Variants in AMOTL2 observed in about 807,000 individuals in gnomAD.
The protein encoded by AMOTL2 is angiomotin-like protein 2.
In AMOTL2, 33 loss-of-function variants were observed where a neutral mutation model predicts 78.4. The observed-to-expected ratio is 0.42, with a 90% CI of 0.32 to 0.56. The LOEUF (loss-of-function observed/expected upper bound fraction) is 0.56, where lower values mean the gene tolerates loss of function less well. Ranked by LOEUF, AMOTL2 falls within the 20% of genes least tolerant of loss-of-function variation. The pLI is 0.12. For synonymous variants in AMOTL2, 422 were observed against 428.8 expected (o/e 0.98, Z 0.20); for missense variants, 983 against 1,030.1 (o/e 0.95, Z 0.63).
rs991452261 is a variant in AMOTL2, at chr3:134,368,026, A to G, written c.735-223T>C. ...CCAAATGTTTCTGCCTGAGGCTCTC[A>G]AGAGTCAGACAGCAGGGCTAGAGGG... On this transcript the variant is annotated intron_variant, in intron 2 of 9. Coordinates refer to ENST00000249883, the MANE Select transcript of AMOTL2 (RefSeq NM_016201.4). Among the ~76,000 whole-genome samples the G allele has an allele frequency of 2.0e-5, 3 of 152,196 alleles. No homozygotes were observed. The South Asian group carries it at 6.2e-4, about 31-fold the overall frequency.
chr3:134,367,752 G>A lies in AMOTL2; in HGVS notation c.786C>T (p.Tyr262=). ...GCTCCTGAGATTGCTGCAGGTACTG[G>A]TACTGCTGCTGCTGTTGGAGGAACA... The part of the protein sequence containing the change: ...PPVFLQQQQQ[Y]QYLQQSQEHP... The change falls in exon 3 of 10, where the codon TAC becomes TAT. Residue 262 remains tyrosine (Y), a synonymous_variant. Coordinates refer to ENST00000249883, the MANE Select transcript of AMOTL2 (RefSeq NM_016201.4). The A allele has an allele frequency of 6.2e-7, 1 of 1,613,796 alleles. No individual in the cohort carries two copies. Among genetic ancestry groups the A allele is most frequent in the Non-Finnish European group, 8.5e-7 (1 of 1,180,010 alleles).
In AMOTL2 at chr3:134,361,496, G is replaced by A; in HGVS notation, c.1575+16C>T. 6.3e-7 allele frequency: 1 copy of A among 1,590,306 alleles called. No individual in the cohort carries two copies. The highest frequency in any genetic ancestry group is 8.6e-7 in the Non-Finnish European group (1 of 1,166,276). The stretch of plus-strand genomic sequence containing the variant: ...TCCTCAGATGCTGCCCTAGCCTGGA[G>A]ACTTTCTCAGCTCACCTGCTGTGCA... On this transcript the variant is annotated intron_variant, in intron 6 of 9. Transcript: ENST00000249883.
chr3:134,356,441 G>GGCT lies in AMOTL2; in HGVS notation c.*1261_*1263dup, dbSNP rs1473171331. The GGCT allele has an allele frequency of 2.0e-5, 3 of 152,580 alleles. No individual in the cohort carries two copies. Among genetic ancestry groups the GGCT allele is most frequent in the African/African-American group, 4.8e-5 (2 of 41,472 alleles). The allele number at this position is 152,580 out of a possible 1,614,324, so 9.5% of individuals were successfully genotyped here. A position where few individuals can be genotyped will look rare whatever the true frequency, so the allele number is the denominator to read the frequency against. On this transcript the variant is annotated 3_prime_UTR_variant, in exon 10 of 10. Transcript: ENST00000249883. The stretch of plus-strand genomic sequence containing the variant: ...GAAGTCAAAGTCACTGCTGCTAGCA[G>GGCT]GCTGCCATGTGGGTGTTTCACCCCA...
chr3:134,374,934 T>C, upstream of AMOTL2: 1 of 1,329,824 alleles, frequency 7.5e-7, no homozygotes, highest in Non-Finnish European at 9.7e-7. Flanking sequence ...TGTGCGTGTG[T>C]GTGTACCGGG....
chr3:134,358,834 T>C, intron 8 of AMOTL2, 115 bp from the exon 9 acceptor site: 1 of 1,216,824 alleles, frequency 8.2e-7, no homozygotes, highest in Non-Finnish European at 1.2e-6. Flanking sequence ...TGCTCTTGAT[T>C]TGCAAGAACT....
In AMOTL2 at chr3:134,361,900, G is replaced by C. The variant is rs1045720794; in HGVS notation, c.1280-93C>G. ...CAGTGCTGACCACTGGATGAGCACA[G>C]TTGCTTCTCATTCTCTCAAAAATAA... On this transcript the variant is annotated intron_variant, in intron 5 of 9. Transcript: ENST00000249883. The C allele has an allele frequency of 4.5e-6, 5 of 1,109,752 alleles. No homozygotes were observed. The African/African-American group carries it at 4.8e-5, about 11-fold the overall frequency. 68.7% of individuals were successfully genotyped at this position (1,109,752 alleles called of 1,614,324 possible).
intron 7 of AMOTL2, among the ~76,000 whole-genome samples, chr3:134,359,844 G>A (rs1181891355): frequency 1.3e-5 from 2 of 152,208 alleles, no homozygotes; most frequent in Non-Finnish European, 2.9e-5. Flanking sequence ...CTCCGGAGAG[G>A]GGAGGCAGGG....
chr3:134,373,600 C>T (rs2017964603), intron 1 of AMOTL2: 2 of 985,492 alleles, frequency 2.0e-6, no homozygotes, highest in Non-Finnish European at 1.2e-6. Flanking sequence ...GGCTCCTGCT[C>T]GCCTAAGGAA....
chr3:134,372,979 A>G (rs2107750590), intron 1 of AMOTL2, among the ~76,000 whole-genome samples: 1 of 152,228 alleles, frequency 6.6e-6, no homozygotes, highest in South Asian at 2.1e-4. Flanking sequence ...CTCCTCTGCC[A>G]CTAAACTAGC....
chr3:134,360,437 G>T (rs184398270), intron 6 of AMOTL2, 24 bp from the exon 7 acceptor site: 5 of 1,589,034 alleles, frequency 3.1e-6, no homozygotes, highest in Admixed American at 3.4e-5. Flanking sequence ...AGTAGAGACC[G>T]TGGTCAAGGG....
At chr3:134,374,560 T>A, upstream of AMOTL2, 1 of 985,450 alleles carries the variant, frequency 1.0e-6, no homozygotes, top group Non-Finnish European at 1.2e-6. Flanking sequence ...GAACCACAAA[T>A]AACCTCTCAG....
In AMOTL2 at chr3:134,367,754, A is replaced by C; in HGVS notation, c.784T>G (p.Tyr262Asp). The change falls in exon 3 of 10, where the codon TAC (tyrosine) becomes GAC (aspartate). Residue 262 changes from tyrosine (Y) to aspartate (D), a missense_variant. Coordinates refer to ENST00000249883, the MANE Select transcript of AMOTL2 (RefSeq NM_016201.4). ...TCCTGAGATTGCTGCAGGTACTGGT[A>C]CTGCTGCTGCTGTTGGAGGAACACA... ...PPVFLQQQQQYQYLQQSQEHP... is the reference protein window; with the variant it reads ...PPVFLQQQQQDQYLQQSQEHP... 3 of 1,613,732 alleles carry C rather than the reference A, an allele frequency of 1.9e-6. No individual in the cohort carries two copies. Among genetic ancestry groups the C allele is most frequent in the South Asian group, 2.2e-5 (2 of 91,060 alleles).
Position 134,359,272 on chromosome 3 carries a change from C to T in AMOTL2, c.2104+11G>A. On this transcript the variant is annotated intron_variant, in intron 8 of 9. Coordinates refer to ENST00000249883, the MANE Select transcript of AMOTL2 (RefSeq NM_016201.4). ...ACCTCTCAATCTATCCCAGCAGTAG[C>T]CTCCTCTTACCTGTAGTCAGCCGAG... The T allele has an allele frequency of 6.2e-7, 1 of 1,613,618 alleles. No individual in the cohort carries two copies. Among genetic ancestry groups the T allele is most frequent in the Non-Finnish European group, 8.5e-7 (1 of 1,179,510 alleles).
At chr3:134,372,936 G>A (rs2017930171) in intron 1 of AMOTL2, among the ~76,000 whole-genome samples, 1 of 151,022 alleles carries the variant, frequency 6.6e-6, no homozygotes, top group South Asian at 2.1e-4. Flanking sequence ...GTATGGGCAG[G>A]GGTTGGGGGG....
At chr3:134,375,373 G>T (rs1343039881), upstream of AMOTL2, 1 of 853,924 alleles carries the variant, frequency 1.2e-6, no homozygotes, top group Non-Finnish European at 1.9e-6. Flanking sequence ...AGGACACCAG[G>T]GCTCAGAGAG....
At chr3:134,358,475 TC>T in intron 9 of AMOTL2, 64 bp downstream of exon 9, 16 of 1,538,504 alleles carry the variant, frequency 1.0e-5, no homozygotes, top group Non-Finnish European at 1.4e-5. Flanking sequence ...GGCCTTGTGT[TC>T]CAGTTCACAC....
upstream of AMOTL2, chr3:134,374,629 CCTCCGGGGAGGCGGCG>C (rs1226650397): frequency 1.0e-6 from 1 of 985,594 alleles, no homozygotes; most frequent in Admixed American, 6.1e-5. Context: ...CCCCCGCCTT[CCTCCGGGGAGGCGGCG>C]CTGCTGGCCG....
At chr3:134,360,956 G>A (rs2017330191) in intron 6 of AMOTL2, among the ~76,000 whole-genome samples, 1 of 152,158 alleles carries the variant, frequency 6.6e-6, no homozygotes, top group Non-Finnish European at 1.5e-5. Flanking sequence ...GGCGGACCAC[G>A]TGAGGTCAGG....
intron 3 of AMOTL2, among the ~76,000 whole-genome samples, chr3:134,367,006 C>T (rs149440881): frequency 2.0e-5 from 3 of 152,332 alleles, no homozygotes; most frequent in East Asian, 3.9e-4. Flanking sequence ...AGCTGGGCCC[C>T]GGCTGCTCCT....
Sources: allele counts gnomAD v4.1 joint callset (sites outside exome capture counted in the v4.1 genomes callset), GRCh38; gene constraint gnomAD v4.1.1; transcripts MANE v1.5; gene names NCBI Gene and HGNC (gene_info 2026-07-23, HGNC 2026-07-21).